AVL9: variants seen among roughly 807,000 people sequenced by gnomAD.
The protein encoded by AVL9 is AVL9 cell migration associated.
In AVL9, 49 loss-of-function variants were observed where a neutral mutation model predicts 79.2. The observed-to-expected ratio is 0.62, with a 90% CI of 0.49 to 0.79. The LOEUF (loss-of-function observed/expected upper bound fraction) is 0.79. AVL9 is among the 30% of genes least tolerant of loss of function. The pLI is 0.00. For missense variants in AVL9, 682 were observed against 776.8 expected (o/e 0.88, Z 1.45); for synonymous variants, 299 against 280.6 (o/e 1.07, Z -0.65).
chr7:32,556,839 C>T (rs1200738485), intron 8 of AVL9, among the ~76,000 whole-genome samples: 3 of 152,002 alleles, frequency 2.0e-5, no homozygotes, highest in Non-Finnish European at 4.4e-5. Flanking sequence ...GATCATGGCT[C>T]ACTGCAACCT....
intron 1 of AVL9, among the ~76,000 whole-genome samples, chr7:32,502,899 A>G (rs112327660): frequency 1.4e-4 from 21 of 152,328 alleles, no homozygotes; most frequent in African/African-American, 5.1e-4. Context: ...CAATGTCAAT[A>G]CTATCCATAG....
intron 1 of AVL9, among the ~76,000 whole-genome samples, chr7:32,525,778 T>C (rs1788375918): frequency 6.6e-6 from 1 of 152,214 alleles, no homozygotes; most frequent in Non-Finnish European, 1.5e-5. Flanking sequence ...CTCCTTGTTT[T>C]ACTTTCAAGG....
chr7:32,506,560 T>C (rs979439977), intron 1 of AVL9, among the ~76,000 whole-genome samples: 4 of 152,308 alleles, frequency 2.6e-5, no homozygotes, highest in Admixed American at 6.5e-5. Context: ...TGTTTATTAC[T>C]GAAACTTTCC....
intron 13 of AVL9, among the ~76,000 whole-genome samples, chr7:32,577,120 T>A (rs1791138492): frequency 6.6e-6 from 1 of 152,002 alleles, no homozygotes; most frequent in African/African-American, 2.4e-5. Flanking sequence ...GATCACAAAG[T>A]TAGGAGATCA....
intron 10 of AVL9, among the ~76,000 whole-genome samples, chr7:32,569,527 T>C (rs17150752): frequency 0.03 from 4,535 of 152,344 alleles, 211 homozygotes; most frequent in African/African-American, 0.1. Context: ...TATCTTGAAA[T>C]CTTTTTGCAT....
intron 13 of AVL9, among the ~76,000 whole-genome samples, chr7:32,579,590 A>T (rs1204756232): frequency 5.3e-5 from 1 of 18,826 alleles, no homozygotes; most frequent in Admixed American, 1.2e-3. Context: ...ATTATATATT[A>T]TATATTATAT....
chr7:32,525,585 G>GT (rs948335294), intron 1 of AVL9, among the ~76,000 whole-genome samples: 4 of 151,838 alleles, frequency 2.6e-5, no homozygotes, highest in Non-Finnish European at 2.9e-5. Context: ...CCTAACTTTT[G>GT]TTTTTTTGAG....
At chr7:32,563,162 G>C (rs1790403550) in intron 10 of AVL9, among the ~76,000 whole-genome samples, 1 of 152,038 alleles carries the variant, frequency 6.6e-6, no homozygotes, top group Non-Finnish European at 1.5e-5. Context: ...CTCCCTAGTA[G>C]CTGGGACTAC....
In AVL9 at chr7:32,558,239, A is replaced by G. The variant is rs551741626; in HGVS notation, c.610-320A>G. Reference sequence around the variant, plus strand: ...AGTGGTGTGATCTTGGCTCACTGCAACTCTGCCTCCTGGGTTCAAGTGATT... The same window carrying G: ...AGTGGTGTGATCTTGGCTCACTGCAGCTCTGCCTCCTGGGTTCAAGTGATT... On this transcript the variant is annotated intron_variant, in intron 8 of 15. Transcript: ENST00000318709. Among the ~76,000 whole-genome samples the G allele has an allele frequency of 1.4e-4, 18 of 125,066 alleles. No homozygotes were observed. The Admixed American group carries it at 1.5e-3, about 10-fold the overall frequency. The allele number at this position is 125,066 out of a possible 152,430, so 82.0% of individuals were successfully genotyped here. A position where few individuals can be genotyped will look rare whatever the true frequency, so the allele number is the denominator to read the frequency against.
At chr7:32,563,728 C>G (rs1206542335) in intron 10 of AVL9, among the ~76,000 whole-genome samples, 1 of 151,964 alleles carries the variant, frequency 6.6e-6, no homozygotes, top group Non-Finnish European at 1.5e-5. Context: ...GTATGTATTC[C>G]TCTCCTATAT....
At chr7:32,581,915 TG>T (rs1391215544) in intron 15 of AVL9, among the ~76,000 whole-genome samples, 1 of 152,210 alleles carries the variant, frequency 6.6e-6, no homozygotes, top group African/African-American at 2.4e-5. Context: ...CTCTGTCAAA[TG>T]TTTAAGGAAG....
At chr7:32,499,646 G>A (rs956280057) in intron 1 of AVL9, among the ~76,000 whole-genome samples, 13 of 151,956 alleles carry the variant, frequency 8.6e-5, no homozygotes, top group African/African-American at 3.1e-4. Context: ...TGTTATATAG[G>A]TATACATGTG....
intron 11 of AVL9, among the ~76,000 whole-genome samples, chr7:32,572,161 CAAAAAAAAAAGAA>C (rs1790876513): frequency 8.6e-6 from 1 of 116,114 alleles, no homozygotes; most frequent in Admixed American, 8.5e-5. Context: ...AATTCTGTCT[CAAAAAAAAAAGAA>C]AAAAAAAAAA....
intron 1 of AVL9, among the ~76,000 whole-genome samples, chr7:32,523,890 C>T (rs2122630): frequency 0.34 from 50,900 of 151,340 alleles, 8,722 homozygotes; most frequent in South Asian, 0.45. Flanking sequence ...CCCACCACCA[C>T]GCCCGGCTAA....
intron 3 of AVL9, among the ~76,000 whole-genome samples, chr7:32,545,869 T>C (rs1789472022): frequency 6.6e-6 from 1 of 152,128 alleles, no homozygotes; most frequent in Non-Finnish European, 1.5e-5. Flanking sequence ...GTTCTTAGTC[T>C]CAGCTGCACA....
chr7:32,567,381 C>T (rs1236894062), intron 10 of AVL9, among the ~76,000 whole-genome samples: 1 of 152,008 alleles, frequency 6.6e-6, no homozygotes, highest in African/African-American at 2.4e-5. Context: ...GGATTACAGA[C>T]ATGAGCCACC....
At chr7:32,503,414 C>G (rs1487942378) in intron 1 of AVL9, among the ~76,000 whole-genome samples, 1 of 86,124 alleles carries the variant, frequency 1.2e-5, no homozygotes, top group Non-Finnish European at 2.9e-5. Context: ...ACAAATTAGC[C>G]GGGCTTGGTG....
intron 1 of AVL9, among the ~76,000 whole-genome samples, chr7:32,541,842 G>A (rs979711892): frequency 1.3e-5 from 2 of 151,884 alleles, no homozygotes; most frequent in Admixed American, 1.3e-4. Context: ...AGCCTCCTGA[G>A]TAGCTGGGAT....
intron 1 of AVL9, among the ~76,000 whole-genome samples, chr7:32,500,366 T>G (rs187037299): frequency 2.5e-3 from 388 of 152,356 alleles, no homozygotes; most frequent in Middle Eastern, 0.01. Flanking sequence ...TTCATATGTT[T>G]ATTGGCTGCA....
Sources: allele counts gnomAD v4.1 joint callset (sites outside exome capture counted in the v4.1 genomes callset), GRCh38; gene constraint gnomAD v4.1.1; transcripts MANE v1.5; gene names NCBI Gene and HGNC (gene_info 2026-07-23, HGNC 2026-07-21).